PDE4D: variants seen among roughly 807,000 people sequenced by gnomAD.
PDE4D encodes phosphodiesterase 4D.
In PDE4D, 24 loss-of-function variants were observed where a neutral mutation model predicts 87.4. The ratio of observed to expected loss-of-function variants is 0.27; its 90% CI spans 0.20 to 0.39. The LOEUF (loss-of-function observed/expected upper bound fraction) is 0.39. Among genes scored for constraint, PDE4D ranks in the 10% least tolerant of loss-of-function variants. The pLI is 1.00. For missense variants in PDE4D, 714 were observed against 1,041.0 expected, an observed-to-expected ratio of 0.69 and a Z score of 4.32; for synonymous variants, 384 against 383.2, an observed-to-expected ratio of 1.00 and a Z score of -0.02.
intron 5 of PDE4D, among the ~76,000 whole-genome samples, chr5:59,126,611 T>C (rs1194418735): frequency 1.3e-5 from 2 of 152,216 alleles, no homozygotes; most frequent in Non-Finnish European, 2.9e-5. Flanking sequence ...GGGCTGCTCC[T>C]CTAGTATCAG....
chr5:60,348,846 A>G (rs1758952510), intron 1 of PDE4D, among the ~76,000 whole-genome samples: 1 of 152,094 alleles, frequency 6.6e-6, no homozygotes. Flanking sequence ...CCATATACAA[A>G]TTTTCTTTGA....
intron 2 of PDE4D, among the ~76,000 whole-genome samples, chr5:60,043,587 C>A (rs1254616467): frequency 6.6e-6 from 1 of 151,526 alleles, no homozygotes; most frequent in Non-Finnish European, 1.5e-5. Context: ...ATCAGACTAA[C>A]AGTGGATCTC....
At chr5:59,639,453 C>T (rs1741165062) in intron 1 of PDE4D, among the ~76,000 whole-genome samples, 1 of 151,994 alleles carries the variant, frequency 6.6e-6, no homozygotes, top group African/African-American at 2.4e-5. Flanking sequence ...AAAACTCAGG[C>T]AGTGGTAACA....
chr5:59,604,986 T>C, intron 1 of PDE4D, among the ~76,000 whole-genome samples: 1 of 152,078 alleles, frequency 6.6e-6, no homozygotes, highest in South Asian at 2.1e-4. Flanking sequence ...GCACTGTTTA[T>C]AAGACCAACA....
chr5:59,826,109 G>A (rs1355321973), intron 1 of PDE4D, among the ~76,000 whole-genome samples: 1 of 152,132 alleles, frequency 6.6e-6, no homozygotes, highest in African/African-American at 2.4e-5. Context: ...GTGTTTTTCT[G>A]TTACAAATTC....
intron 1 of PDE4D, among the ~76,000 whole-genome samples, chr5:59,872,930 A>T (rs951214150): frequency 1.3e-5 from 2 of 152,122 alleles, no homozygotes; most frequent in African/African-American, 4.8e-5. Context: ...TCACCCTCTT[A>T]GATACAACGA....
chr5:59,391,177 T>C (rs1292137487), intron 1 of PDE4D, among the ~76,000 whole-genome samples: 3 of 152,166 alleles, frequency 2.0e-5, no homozygotes, highest in Non-Finnish European at 4.4e-5. Flanking sequence ...GTAATGACTA[T>C]GTCTTGTGGA....
chr5:59,107,161 T>C (rs1771736699), intron 5 of PDE4D, among the ~76,000 whole-genome samples: 2 of 152,184 alleles, frequency 1.3e-5, no homozygotes, highest in South Asian at 4.1e-4. Context: ...AGACATAATA[T>C]GAAATATAGA....
intron 1 of PDE4D, among the ~76,000 whole-genome samples, chr5:59,771,485 G>GAAAGAAAGA (rs56311484): frequency 4.2e-5 from 3 of 70,622 alleles, no homozygotes; most frequent in Non-Finnish European, 8.6e-5. Flanking sequence ...AAGAAAGAAA[G>GAAAGAAAGA]AGAGAGAGAG....
intron 1 of PDE4D, among the ~76,000 whole-genome samples, chr5:60,324,487 C>T (rs1041769399): frequency 6.6e-6 from 1 of 152,090 alleles, no homozygotes; most frequent in Admixed American, 6.5e-5. Context: ...TAAAGAGAGG[C>T]TAACTCCAGG....
intron 2 of PDE4D, among the ~76,000 whole-genome samples, chr5:60,055,526 T>C (rs1770677429): frequency 6.6e-6 from 1 of 152,142 alleles, no homozygotes; most frequent in South Asian, 2.1e-4. Flanking sequence ...GACTAAGCCT[T>C]CTACACAAAA....
chr5:60,214,335 G>T (rs1321008060), intron 1 of PDE4D, among the ~76,000 whole-genome samples: 1 of 152,118 alleles, frequency 6.6e-6, no homozygotes, highest in Admixed American at 6.6e-5. Flanking sequence ...TTCATAGAAA[G>T]GAGACAGGAT....
chr5:59,554,522 G>A (rs565565591), intron 1 of PDE4D, among the ~76,000 whole-genome samples: 2 of 152,240 alleles, frequency 1.3e-5, no homozygotes, highest in South Asian at 4.1e-4. Flanking sequence ...CAAGAAAGAT[G>A]GCTAAATTTG....
chr5:59,350,726 T>A (rs968005789), intron 1 of PDE4D, among the ~76,000 whole-genome samples: 1 of 152,218 alleles, frequency 6.6e-6, no homozygotes, highest in Admixed American at 6.5e-5. Flanking sequence ...GTGTTGTCTA[T>A]GTGCCAGGCA....
At chr5:59,430,505 G>C (rs1795949836) in intron 1 of PDE4D, 6 of 1,052,250 alleles carry the variant, frequency 5.7e-6, no homozygotes, top group African/African-American at 1.6e-5. Context: ...TCAGATAATA[G>C]ATTTCAGACA....
intron 1 of PDE4D, among the ~76,000 whole-genome samples, chr5:59,857,547 G>T (rs1421852739): frequency 1.3e-5 from 2 of 151,970 alleles, no homozygotes; most frequent in Non-Finnish European, 2.9e-5. Context: ...AACCTTCCAG[G>T]TTTATTTCCC....
chr5:59,270,268 A>C (rs1034681813), intron 1 of PDE4D, among the ~76,000 whole-genome samples: 1 of 152,192 alleles, frequency 6.6e-6, no homozygotes, highest in Non-Finnish European at 1.5e-5. Flanking sequence ...AAACCAAATC[A>C]TAATATATAT....
At chr5:60,474,104 C>CCATATATATATATGTGTA (rs1748081807) in intron 1 of PDE4D, among the ~76,000 whole-genome samples, 2 of 21,226 alleles carry the variant, frequency 9.4e-5, no homozygotes, top group South Asian at 2.4e-3. Flanking sequence ...CTTTGAGCTG[C>CCATATATATATATGTGTA]CATATATATA....
At chr5:60,045,960 T>C (rs1214810440) in intron 2 of PDE4D, among the ~76,000 whole-genome samples, 1 of 152,206 alleles carries the variant, frequency 6.6e-6, no homozygotes, top group Non-Finnish European at 1.5e-5. Flanking sequence ...TTGGGCAGTA[T>C]GGCCATTTTC....
Sources: allele counts gnomAD v4.1 joint callset (sites outside exome capture counted in the v4.1 genomes callset), GRCh38; gene constraint gnomAD v4.1.1; transcripts MANE v1.5; gene names NCBI Gene and HGNC (gene_info 2026-07-23, HGNC 2026-07-21).